CR2: variants seen among roughly 807,000 people sequenced by gnomAD.
The protein encoded by CR2 is complement receptor type 2.
A neutral mutation model predicts 123.0 loss-of-function variants in CR2; 96 were observed. The ratio of observed to expected loss-of-function variants is 0.78; its 90% CI spans 0.66 to 0.93. The LOEUF (loss-of-function observed/expected upper bound fraction) is 0.93, where lower values mean the gene tolerates loss of function less well. Ranked by LOEUF, CR2 falls within the 40% of genes least tolerant of loss-of-function variation. CR2 has a pLI of 0.00. For synonymous variants in CR2, 484 were observed against 469.5 expected, an observed-to-expected ratio of 1.03 and a Z score of -0.40; for missense variants, 1,258 against 1,361.0, an observed-to-expected ratio of 0.92 and a Z score of 1.19.
rs938335550 is a variant in CR2 at position 207,458,026 on chromosome 1, G to T, written c.58+3550G>T. On this transcript the variant is annotated intron_variant, in intron 1 of 19. Coordinates refer to ENST00000367057, the MANE Select transcript of CR2 (RefSeq NM_001006658.3). The stretch of plus-strand genomic sequence containing the variant: ...AGATATACCAAGTCTGAATGGAAAT[G>T]ATTCTGAACACAATTCCCTACCTCA... Among the ~76,000 whole-genome samples, 73 of 135,992 alleles carry T rather than the reference G, an allele frequency of 5.4e-4. 1 individual carries two copies. The highest frequency in any genetic ancestry group is 5.7e-4 in the Non-Finnish European group (38 of 66,192). The allele number at this position is 135,992 out of a possible 152,430, so 89.2% of individuals were successfully genotyped here.
chr1:207,455,408 T>A (rs2102292956), intron 1 of CR2, among the ~76,000 whole-genome samples: 1 of 152,330 alleles, frequency 6.6e-6, no homozygotes, highest in South Asian at 2.1e-4. Flanking sequence ...TGAGCACAGA[T>A]GAAACTAAGC....
intron 19 of CR2, among the ~76,000 whole-genome samples, chr1:207,485,971 C>T (rs1241618152): frequency 1.3e-5 from 2 of 152,098 alleles, no homozygotes; most frequent in Non-Finnish European, 2.9e-5. Flanking sequence ...TGGCTCACGC[C>T]TGTAATCCCA....
At chr1:207,462,089 A>T (rs1657980646) in intron 1 of CR2, among the ~76,000 whole-genome samples, 1 of 152,174 alleles carries the variant, frequency 6.6e-6, no homozygotes, top group Non-Finnish European at 1.5e-5. Flanking sequence ...CCTCATCCTC[A>T]TCCCATTCAA....
At chr1:207,463,042 G>T (rs1658004774) in intron 1 of CR2, among the ~76,000 whole-genome samples, 8 of 152,162 alleles carry the variant, frequency 5.3e-5, no homozygotes, top group Admixed American at 5.2e-4. Context: ...GTCCAGTCAG[G>T]TTGAGATTTA....
chr1:207,470,894 A>G lies in CR2; in HGVS notation c.1380A>G (p.Thr460=). The G allele has an allele frequency of 6.2e-7, 1 of 1,613,626 alleles. No homozygotes were observed. ...AGTGTACCTCTGAGGGGGTGTGGAC[A>G]CCCCCTGTACCCCAATGCAAAGGTG... The part of the protein sequence containing the change: ...SIQCTSEGVW[T]PPVPQCKVAA... The change falls in exon 7 of 20, where the codon ACA becomes ACG. Residue 460 remains threonine (T), a synonymous_variant. Transcript: ENST00000367057.
In CR2 at chr1:207,459,324, T is replaced by G. The variant is rs78677800; in HGVS notation, c.58+4848T>G. 1.4e-3 allele frequency among the ~76,000 whole-genome samples: 219 copies of G among 151,832 alleles called. 6 individuals carry two copies. In the East Asian group the frequency reaches 0.029, roughly 20 times the overall value. ...CTTTCTGAAGGTGTTTTTTGTTGTT[T>G]TTTTTTTTATTACATTAGTGACTCT... On this transcript the variant is annotated intron_variant, in intron 1 of 19. Transcript: ENST00000367057.
In CR2 at chr1:207,461,191, TA is replaced by T. The variant is rs3841719; in HGVS notation, c.59-5326del. ...ATATCCGCTCCCCCTACCACCCTTA[TA>T]AAAAAAAATCAAAACATATGTAATC... On this transcript the variant is annotated intron_variant, in intron 1 of 19. Transcript: ENST00000367057. Among the ~76,000 whole-genome samples the T allele has an allele frequency of 4.8e-3, 733 of 151,514 alleles. 3 individuals are homozygous for T. Among genetic ancestry groups the T allele is most frequent in the Non-Finnish European group, 8.5e-3 (573 of 67,752 alleles).
intron 18 of CR2, among the ~76,000 whole-genome samples, chr1:207,484,740 G>A (rs954181533): frequency 1.3e-5 from 2 of 152,124 alleles, no homozygotes; most frequent in African/African-American, 4.8e-5. Context: ...AGTAATTCTG[G>A]CAAAGTGGTT....
chr1:207,469,766 T>C lies in CR2; in HGVS notation c.889T>C (p.Tyr297His). The part of the protein sequence containing the change: ...HIGNSLANVS[Y>H]GSIVTYTCDP... ...AGGCAACTCACTAGCAAATGTCTCA[T>C]ATGGAAGCATAGTCACTTACACTTG... Residue 297 changes from tyrosine to histidine, a missense_variant, in exon 6 of 20, where the codon TAT (tyrosine) becomes CAT (histidine). Physicochemically the swap from Tyr to His is moderately conservative, Grantham distance 83. Transcript: ENST00000367057. 3 of 1,613,934 alleles carry C rather than the reference T, an allele frequency of 1.9e-6. No homozygotes were observed. The highest frequency in any genetic ancestry group is 2.5e-6 in the Non-Finnish European group (3 of 1,179,884).
chr1:207,489,214 A>C lies in CR2; in HGVS notation c.*91A>C, dbSNP rs942286715. 7 of 152,228 alleles carry C rather than the reference A, an allele frequency of 4.6e-5. No individual in the cohort carries two copies. Among genetic ancestry groups the C allele is most frequent in the African/African-American group, 1.7e-4 (7 of 41,462 alleles). The allele number at this position is 152,228 out of a possible 1,614,324, so 9.4% of individuals were successfully genotyped here. On this transcript the variant is annotated 3_prime_UTR_variant, in exon 20 of 20. Coordinates refer to ENST00000367057, the MANE Select transcript of CR2 (RefSeq NM_001006658.3). ...TGCTCTAATATCAGCAAGTCTCTTT[A>C]TATGGCCTCAAGATCAATGAAATGA...
chr1:207,467,266 G>T (rs1026458067), intron 2 of CR2, among the ~76,000 whole-genome samples: 1 of 151,854 alleles, frequency 6.6e-6, no homozygotes, highest in Non-Finnish European at 1.5e-5. Flanking sequence ...AAGAACGGTG[G>T]GATCTTATAG....
chr1:207,472,881 A>G lies in CR2; in HGVS notation c.1680A>G (p.Pro560=). ...TTVTYTCNPG[P]ERGVEFSLIG... ...TCACTTACACATGTAACCCTGGGCCAGAAAGAGGAGTGGAATTCAGCCTCA... is the reference window on the plus strand; with the variant it reads ...TCACTTACACATGTAACCCTGGGCCGGAAAGAGGAGTGGAATTCAGCCTCA... Residue 560 remains proline (P), a synonymous_variant, in exon 10 of 20, where the codon CCA becomes CCG. Coordinates refer to ENST00000367057, the MANE Select transcript of CR2 (RefSeq NM_001006658.3). The G allele has an allele frequency of 6.2e-7, 1 of 1,614,080 alleles. No homozygotes were observed. Among genetic ancestry groups the G allele is most frequent in the Non-Finnish European group, 8.5e-7 (1 of 1,179,972 alleles).
At position 207,467,769 on chromosome 1, in the gene CR2, A is replaced by G. The variant is rs17045028; in HGVS notation, c.446-758A>G. ...TGAAAACAGTTAAGCCTTTGTAACA[A>G]TTTAGACAGACATATATGTATGGAC... On this transcript the variant is annotated intron_variant, in intron 2 of 19. Coordinates refer to ENST00000367057, the MANE Select transcript of CR2 (RefSeq NM_001006658.3). Among the ~76,000 whole-genome samples the G allele has an allele frequency of 7.2e-3, 1,103 of 152,344 alleles. 15 individuals are homozygous for G. Among genetic ancestry groups the G allele is most frequent in the African/African-American group, 0.025 (1,043 of 41,584 alleles).
In CR2 at chr1:207,469,933, A is replaced by G. The variant is rs758462484; in HGVS notation, c.1056A>G (p.Pro352=). ...CELSTSAVQC[P]HPQILRGRMV... ...TTTCTACTTCTGCGGTTCAGTGTCC[A>G]CATCCCCAGATCCTAAGAGGCCGAA... Residue 352 remains proline (P), a synonymous_variant, in exon 6 of 20, where the codon CCA becomes CCG. Transcript: ENST00000367057. 1.2e-6 allele frequency: 2 copies of G among 1,614,076 alleles called. No homozygotes were observed. The highest frequency in any genetic ancestry group is 4.5e-5 in the East Asian group (2 of 44,876).
chr1:207,457,598 T>C (rs1372504362), intron 1 of CR2, among the ~76,000 whole-genome samples: 4 of 152,228 alleles, frequency 2.6e-5, no homozygotes, highest in African/African-American at 9.6e-5. Flanking sequence ...CCTGAAGCTG[T>C]TTCTTGCAAT....
intron 15 of CR2, among the ~76,000 whole-genome samples, chr1:207,477,407 A>G (rs1658472075): frequency 6.6e-6 from 1 of 152,176 alleles, no homozygotes; most frequent in Non-Finnish European, 1.5e-5. Flanking sequence ...CATGGGGATT[A>G]TGGGAGCTAC....
chr1:207,461,138 G>T lies in CR2; in HGVS notation c.59-5388G>T, dbSNP rs141941832. Among the ~76,000 whole-genome samples, 703 of 151,948 alleles carry T rather than the reference G, an allele frequency of 4.6e-3. 3 individuals carry two copies. Among genetic ancestry groups the T allele is most frequent in the African/African-American group, 0.012 (506 of 41,438 alleles). Reference sequence around the variant, plus strand: ...GTGCAGTTTTTTTGTGTATAAATAAGACCTCATTGAAGCTGGGAAAAATAT... The same window carrying T: ...GTGCAGTTTTTTTGTGTATAAATAATACCTCATTGAAGCTGGGAAAAATAT... On this transcript the variant is annotated intron_variant, in intron 1 of 19. Transcript: ENST00000367057.
chr1:207,466,680 G>A lies in CR2; in HGVS notation c.213G>A (p.Val71=). ...KSLLCITKDK[V]DGTWDKPAPK... ...TATTATGCATAACTAAAGACAAAGT[G>A]GATGGAACCTGGGATAAACCTGCTC... Residue 71 remains valine, a synonymous_variant, in exon 2 of 20, where the codon GTG becomes GTA. Transcript: ENST00000367057. The A allele has an allele frequency of 6.2e-7, 1 of 1,614,058 alleles. No individual in the cohort carries two copies. The highest frequency in any genetic ancestry group is 8.5e-7 in the Non-Finnish European group (1 of 1,179,980).
chr1:207,480,930 T>C (rs1458869843), intron 18 of CR2, among the ~76,000 whole-genome samples: 1 of 152,016 alleles, frequency 6.6e-6, no homozygotes, highest in Admixed American at 6.6e-5. Context: ...CAAAAAAAAA[T>C]TGTGATTACA....
Sources: allele counts gnomAD v4.1 joint callset (sites outside exome capture counted in the v4.1 genomes callset), GRCh38; gene constraint gnomAD v4.1.1; transcripts MANE v1.5; gene names NCBI Gene and HGNC (gene_info 2026-07-23, HGNC 2026-07-21).